The following PCDH15 variants were observed in gnomAD, a reference collection of about 807,000 sequenced individuals.
The protein encoded by PCDH15 is protocadherin-15.
Under a neutral mutation model 178.5 loss-of-function variants are expected in PCDH15, and 129 were observed. The ratio of observed to expected loss-of-function variants is 0.72; its 90% CI spans 0.63 to 0.84. PCDH15 has a LOEUF of 0.84. PCDH15 is among the 40% of genes least tolerant of loss of function. The pLI, the probability that PCDH15 is intolerant of heterozygous loss-of-function variation, is 0.00. For synonymous variants in PCDH15, 800 were observed against 732.0 expected, an observed-to-expected ratio of 1.09 and a Z score of -1.50; for missense variants, 2,230 against 2,099.9, an observed-to-expected ratio of 1.06 and a Z score of -1.21.
At chr10:53,841,611 G>A (rs961381472) in intron 28 of PCDH15, among the ~76,000 whole-genome samples, 6 of 152,114 alleles carry the variant, frequency 3.9e-5, no homozygotes, top group Non-Finnish European at 5.9e-5. Context: ...ATAGTGAAAT[G>A]TTTGCTTGCT....
At chr10:53,980,428 T>C (rs1345683891) in intron 21 of PCDH15, among the ~76,000 whole-genome samples, 1 of 145,576 alleles carries the variant, frequency 6.9e-6, no homozygotes, top group Non-Finnish European at 1.5e-5. Context: ...ACGAAAACTT[T>C]CTTCTCGAAT....
intron 2 of PCDH15, among the ~76,000 whole-genome samples, chr10:54,546,131 G>T (rs2085828065): frequency 6.6e-6 from 1 of 152,154 alleles, no homozygotes; most frequent in African/African-American, 2.4e-5. Context: ...TATCTATTTG[G>T]CTCTCATGAT....
intron 1 of PCDH15, among the ~76,000 whole-genome samples, chr10:55,251,084 A>C (rs182078820): frequency 2.1e-4 from 32 of 152,198 alleles, no homozygotes; most frequent in Admixed American, 1.8e-3. Context: ...AAAGGTAAAA[A>C]CTTGCAAAAA....
chr10:55,444,036 A>G (rs1180802812), intron 2 of PCDH15, among the ~76,000 whole-genome samples: 1 of 152,086 alleles, frequency 6.6e-6, no homozygotes, highest in Admixed American at 6.6e-5. Context: ...ACACAGGAAC[A>G]AAATATCAAA....
chr10:55,134,050 C>G (rs369163917), intron 2 of PCDH15, among the ~76,000 whole-genome samples: 1 of 152,208 alleles, frequency 6.6e-6, no homozygotes, highest in African/African-American at 2.4e-5. Flanking sequence ...ATATATCCTG[C>G]AAAATATATT....
chr10:55,369,119 A>G (rs529960466), intron 2 of PCDH15, among the ~76,000 whole-genome samples: 60 of 151,408 alleles, frequency 4.0e-4, no homozygotes, highest in Non-Finnish European at 8.7e-4. Flanking sequence ...GTTTCTATTC[A>G]TATTTCTCAC....
At chr10:53,840,526 A>G (rs1480131512) in intron 28 of PCDH15, 30 bp from the exon 29 acceptor site, 1 of 1,594,066 alleles carries the variant, frequency 6.3e-7, no homozygotes, top group African/African-American at 1.3e-5. Context: ...CAAACATGAC[A>G]GTCCAATGGG....
Position 55,456,502 on chromosome 10 carries a change from T to C in PCDH15, c.-156+171123A>G, listed in dbSNP as rs2132087215. Among the ~76,000 whole-genome samples the C allele has an allele frequency of 2.6e-5, 4 of 152,210 alleles. No individual in the cohort carries two copies. The Middle Eastern group carries it at 0.014, about 518-fold the overall frequency. ...TGAATTCACCAACTCTTGTTTATCCTGTGTTTGTGGTATAAAATGTCATTT... is the reference window on the plus strand; with the variant it reads ...TGAATTCACCAACTCTTGTTTATCCCGTGTTTGTGGTATAAAATGTCATTT... On this transcript the variant is annotated intron_variant, in intron 2 of 5. Transcript: ENST00000613346.
chr10:54,769,177 C>A (rs1192367358), intron 1 of PCDH15, among the ~76,000 whole-genome samples: 1 of 151,994 alleles, frequency 6.6e-6, no homozygotes, highest in East Asian at 1.9e-4. Flanking sequence ...TAATAATAAT[C>A]AAAGTTGCAA....
At chr10:54,440,552 T>C (rs1311241222) in intron 3 of PCDH15, among the ~76,000 whole-genome samples, 2 of 151,982 alleles carry the variant, frequency 1.3e-5, no homozygotes, top group Admixed American at 6.6e-5. Flanking sequence ...GGATATTCTT[T>C]TAGAGAATCA....
chr10:53,931,696 A>G (rs2133983692), intron 25 of PCDH15, among the ~76,000 whole-genome samples: 1 of 152,282 alleles, frequency 6.6e-6, no homozygotes, highest in African/African-American at 2.4e-5. Flanking sequence ...AAAGCTCAAG[A>G]AATTTTATAA....
At chr10:54,867,158 C>T (rs16906618) in intron 3 of PCDH15, among the ~76,000 whole-genome samples, 25,843 of 151,986 alleles carry the variant, frequency 0.17, 2,286 homozygotes, top group Middle Eastern at 0.2. Flanking sequence ...TATCAGGCAG[C>T]TAATTTTGAT....
chr10:54,779,853 T>A (rs959534063), intron 1 of PCDH15, among the ~76,000 whole-genome samples: 13 of 152,056 alleles, frequency 8.5e-5, no homozygotes, highest in Admixed American at 2.6e-4. Flanking sequence ...CTAGTCTCAT[T>A]CTCAAACCTT....
chr10:55,459,786 T>C (rs926972336), intron 2 of PCDH15, among the ~76,000 whole-genome samples: 1 of 152,090 alleles, frequency 6.6e-6, no homozygotes, highest in South Asian at 2.1e-4. Flanking sequence ...TTAAGAAATC[T>C]GGAAGACCTT....
intron 1 of PCDH15, among the ~76,000 whole-genome samples, chr10:55,285,816 T>C (rs181049824): frequency 6.6e-6 from 1 of 151,908 alleles, no homozygotes; most frequent in Non-Finnish European, 1.5e-5. Context: ...GACATTAAGA[T>C]GGTTCTGGAA....
At chr10:55,414,753 T>C (rs1284751617) in intron 2 of PCDH15, among the ~76,000 whole-genome samples, 1 of 147,386 alleles carries the variant, frequency 6.8e-6, no homozygotes. Flanking sequence ...TGAATTCATA[T>C]ATTATTTCTA....
chr10:54,795,831 GC>G (rs1254214034), intron 1 of PCDH15, among the ~76,000 whole-genome samples: 1 of 151,802 alleles, frequency 6.6e-6, no homozygotes, highest in Non-Finnish European at 1.5e-5. Context: ...TGATGACAAT[GC>G]TTTTGCTTTC....
chr10:54,848,276 G>T (rs150031378), intron 3 of PCDH15, among the ~76,000 whole-genome samples: 3,475 of 151,410 alleles, frequency 0.023, 139 homozygotes, highest in African/African-American at 0.081. Context: ...CCAGCTACTT[G>T]GGAGGCTGAG....
intron 1 of PCDH15, among the ~76,000 whole-genome samples, chr10:54,694,150 C>T (rs10825376): frequency 0.87 from 131,975 of 152,064 alleles, 57,921 homozygotes; most frequent in Middle Eastern, 0.94. Flanking sequence ...TCTGTTAATA[C>T]GATTATAATA....
Sources: gnomAD v4.1 joint callset for allele counts (sites outside exome capture counted in the v4.1 genomes callset) on GRCh38, gnomAD v4.1.1 for gene constraint, MANE v1.5 for transcripts, NCBI Gene and HGNC (gene_info 2026-07-23, HGNC 2026-07-21) for gene names.